DNAH17: variants seen among roughly 807,000 people sequenced by gnomAD.
DNAH17 encodes axonemal beta dynein heavy chain 17.
A neutral mutation model predicts 485.6 loss-of-function variants in DNAH17; 376 were observed. The observed-to-expected ratio is 0.77, with a 90% confidence interval of 0.71 to 0.84. DNAH17 has a LOEUF of 0.84. Among genes scored for constraint, DNAH17 ranks in the 40% least tolerant of loss-of-function variants. The pLI, the probability that DNAH17 is intolerant of heterozygous loss-of-function variation, is 0.00. For missense variants in DNAH17, 6,370 were observed against 5,839.3 expected (o/e 1.09, Z -2.96); for synonymous variants, 3,031 against 2,405.9 (o/e 1.26, Z -7.60).
rs573075069 is a variant in DNAH17, at chr17:78,454,547, G to A, written c.10329C>T (p.Asp3443=). The change falls in exon 64 of 81, where the codon GAC becomes GAT. Residue 3443 remains aspartate (D), a synonymous_variant. Coordinates refer to ENST00000389840, the MANE Select transcript of DNAH17 (RefSeq NM_173628.4). ...TCCACTTGATTCCTTGGAGCTGGGC[G>A]TCCACGATCAGCGGCCACCGCTCGG... ...GNTERWPLIV[D]AQLQGIKWIK... 33 of 1,612,984 alleles carry A rather than the reference G, an allele frequency of 2.0e-5. No individual in the cohort carries two copies. Among genetic ancestry groups the A allele is most frequent in the Middle Eastern group, 1.6e-4 (1 of 6,062 alleles).
In DNAH17 at chr17:78,553,283, G is replaced by GTTTTTTTTTTTTTTTTT. The variant is rs60587420; in HGVS notation, c.2179-495_2179-479dup. On this transcript the variant is annotated intron_variant, in intron 14 of 80. Transcript: ENST00000389840. ...AAATTACCCAGTCCCAGGTTTTTGT[G>GTTTTTTTTTTTTTTTTT]TTTTTTTTTTTTTTTTTTTTTTTTT... 1.2e-3 allele frequency among the ~76,000 whole-genome samples: 60 copies of GTTTTTTTTTTTTTTTTT among 51,028 alleles called. 13 individuals are homozygous for GTTTTTTTTTTTTTTTTT. The highest frequency in any genetic ancestry group is 1.7e-3 in the Non-Finnish European group (49 of 28,886). 33.5% of individuals were successfully genotyped at this position (51,028 alleles called of 152,430 possible). A position where few individuals can be genotyped will look rare whatever the true frequency, so the allele number is the denominator to read the frequency against.
chr17:78,453,314 C>T (rs374140511), intron 65 of DNAH17, 29 bp downstream of exon 65: 1 of 1,609,100 alleles, frequency 6.2e-7, no homozygotes, highest in Non-Finnish European at 8.5e-7. Context: ...GTTTACCTGG[C>T]TCAAGCCACG....
At chr17:78,502,010 G>T in intron 33 of DNAH17, 137 bp from the exon 34 acceptor site, 1 of 1,273,542 alleles carries the variant, frequency 7.9e-7, no homozygotes, top group Non-Finnish European at 1.1e-6. Context: ...GAGCGCCCTC[G>T]GTAGGCCCCA....
chr17:78,429,421 C>T (rs1202031803), intron 75 of DNAH17, 121 bp from the exon 76 acceptor site: 9 of 1,125,540 alleles, frequency 8.0e-6, no homozygotes, highest in African/African-American at 1.6e-5. Context: ...TCCTTCTCGC[C>T]CTCCAGGTCA....
At position 78,502,666 on chromosome 17, in the gene DNAH17, C is replaced by T. The variant is rs369830967; in HGVS notation, c.5115G>A (p.Thr1705=). The T allele has an allele frequency of 7.2e-4, 1,161 of 1,612,806 alleles. 5 individuals carry two copies. The African/African-American group carries it at 0.012, about 17-fold the overall frequency. The change falls in exon 33 of 81, where the codon ACG becomes ACA. Residue 1705 remains threonine (T), a synonymous_variant. Coordinates refer to ENST00000389840, the MANE Select transcript of DNAH17 (RefSeq NM_173628.4). The part of the protein sequence containing the change: ...VALTCTQIWW[T]TEVGLAFARL... ...TGGCAAATGCCAGGCCCACCTCGGT[C>T]GTCCACCAGATCTGGGTGCAAGTCA...
At chr17:78,535,326 C>T (rs978999708) in intron 19 of DNAH17, among the ~76,000 whole-genome samples, 9 of 152,184 alleles carry the variant, frequency 5.9e-5, no homozygotes, top group Non-Finnish European at 1.3e-4. Flanking sequence ...TGCACTTGGG[C>T]CTAAAATCAC....
At chr17:78,455,430 A>G (rs1281062253) in intron 63 of DNAH17, among the ~76,000 whole-genome samples, 1 of 151,212 alleles carries the variant, frequency 6.6e-6, no homozygotes, top group East Asian at 1.9e-4. Context: ...GGTTCAAGTG[A>G]TTCTCCTGCC....
At chr17:78,453,241 G>C in intron 65 of DNAH17, 102 bp downstream of exon 65, 1 of 1,472,332 alleles carries the variant, frequency 6.8e-7, no homozygotes, top group Non-Finnish European at 9.2e-7. Flanking sequence ...GCTTACCAGG[G>C]AAGCAAAGGA....
rs369444980 is a variant in DNAH17 at position 78,539,247 on chromosome 17, A to G, written c.2676+490T>C. Among the ~76,000 whole-genome samples, 10 of 152,236 alleles carry G rather than the reference A, an allele frequency of 6.6e-5. No homozygotes were observed. The East Asian group carries it at 1.7e-3, about 26-fold the overall frequency. On this transcript the variant is annotated intron_variant, in intron 18 of 80. Transcript: ENST00000389840. ...TCTGTCTCAAAAAAATAAAAAAATA[A>G]AATAAAAAGAAGATACAGGTAGGAA...
chr17:78,491,591 G>T (rs1451953756), intron 42 of DNAH17, 21 bp from the exon 43 acceptor site: 2 of 1,611,790 alleles, frequency 1.2e-6, no homozygotes, highest in South Asian at 1.1e-5. Context: ...CGCGTGGTAT[G>T]ACCCCGGGCC....
chr17:78,492,867 T>TTTTTTTTTTG, intron 41 of DNAH17, 102 bp from the exon 42 acceptor site: 1 of 1,023,934 alleles, frequency 9.8e-7, no homozygotes, highest in Non-Finnish European at 1.3e-6. Context: ...TTTTTTTTTT[T>TTTTTTTTTTG]TGAGATGGAG....
rs2091932739 is a variant in DNAH17, at chr17:78,552,788, C to G, written c.2196G>C (p.Lys732Asn). ...ACTTTATTAGTAGAAATTCTACTGC[C>G]TTCACTATAGTCTTTATCTGAAAAA... Reference protein sequence around the residue: ...GWYNEIKTIVKAVEFLLIKSE... With the variant: ...GWYNEIKTIVNAVEFLLIKSE... The change falls in exon 15 of 81, where the codon AAG becomes AAC. Residue 732 changes from lysine to asparagine, a missense_variant. Physicochemically the swap from Lys to Asn is moderately conservative, Grantham distance 94. Transcript: ENST00000389840. 6.2e-7 allele frequency: 1 copy of G among 1,610,274 alleles called. No homozygotes were observed. Among genetic ancestry groups the G allele is most frequent in the Admixed American group, 1.7e-5 (1 of 60,000 alleles).
At chr17:78,491,646 C>CCT in intron 42 of DNAH17, 76 bp from the exon 43 acceptor site, 1 of 1,535,550 alleles carries the variant, frequency 6.5e-7, no homozygotes, top group Non-Finnish European at 8.8e-7. Context: ...CTGACCCTGG[C>CCT]CTCTCTCTCT....
intron 54 of DNAH17, among the ~76,000 whole-genome samples, chr17:78,474,518 A>G (rs1268977932): frequency 4.6e-5 from 7 of 152,232 alleles, no homozygotes; most frequent in Non-Finnish European, 8.8e-5. Context: ...ATGCAGTTAG[A>G]CACCCAGTCA....
chr17:78,427,515 G>A (rs950273615), intron 77 of DNAH17, among the ~76,000 whole-genome samples: 19 of 152,202 alleles, frequency 1.2e-4, no homozygotes, highest in Non-Finnish European at 2.2e-4. Flanking sequence ...ACACAGTGCA[G>A]TGGTCACCTG....
intron 25 of DNAH17, among the ~76,000 whole-genome samples, chr17:78,517,258 G>A (rs112084510): frequency 5.0e-3 from 762 of 152,306 alleles, no homozygotes; most frequent in Non-Finnish European, 8.5e-3. Flanking sequence ...TGGCCAGACC[G>A]GTCTCAAACT....
intron 69 of DNAH17, among the ~76,000 whole-genome samples, chr17:78,448,983 G>A (rs1272117896): frequency 6.6e-6 from 1 of 152,228 alleles, no homozygotes; most frequent in Non-Finnish European, 1.5e-5. Flanking sequence ...ATCAATTTCA[G>A]AGAATGCAGA....
At chr17:78,518,438 TAAG>T (rs1443031152) in intron 25 of DNAH17, among the ~76,000 whole-genome samples, 1 of 152,110 alleles carries the variant, frequency 6.6e-6, no homozygotes, top group African/African-American at 2.4e-5. Flanking sequence ...GGTCAACCTA[TAAG>T]AAGACAATAA....
At chr17:78,570,462 C>A in intron 6 of DNAH17, 90 bp from the exon 7 acceptor site, 2 of 1,476,178 alleles carry the variant, frequency 1.4e-6, no homozygotes, top group South Asian at 1.4e-5. Flanking sequence ...ATGGCTCTCA[C>A]TGGGTATCCA....
Sources: allele counts gnomAD v4.1 joint callset (sites outside exome capture counted in the v4.1 genomes callset), GRCh38; gene constraint gnomAD v4.1.1; transcripts MANE v1.5; gene names NCBI Gene and HGNC (gene_info 2026-07-23, HGNC 2026-07-21).